Variants in INTS7 observed in about 807,000 individuals in gnomAD.
INTS7 encodes the protein integrator complex subunit 7.
A neutral mutation model predicts 109.2 loss-of-function variants in INTS7; 46 were observed. The observed-to-expected ratio is 0.42, with a 90% CI of 0.33 to 0.54. The LOEUF is 0.54. INTS7 is among the 20% of genes least tolerant of loss of function. INTS7 has a pLI of 0.07. For missense variants in INTS7, 929 were observed against 1,132.4 expected, an observed-to-expected ratio of 0.82 and a Z score of 2.58; for synonymous variants, 412 against 402.9, an observed-to-expected ratio of 1.02 and a Z score of -0.27.
chr1:211,988,182 G>A lies in INTS7; in HGVS notation c.880-179C>T, dbSNP rs573296207. On this transcript the variant is annotated intron_variant, in intron 7 of 19. Transcript: ENST00000366994. ...TCATTCTGGTAATCCCACCAGTTTGGGAGGCTGAGGTGGGAGGATCACTCT... is the reference window on the plus strand; with the variant it reads ...TCATTCTGGTAATCCCACCAGTTTGAGAGGCTGAGGTGGGAGGATCACTCT... 9.2e-5 allele frequency among the ~76,000 whole-genome samples: 14 copies of A among 152,072 alleles called. No individual in the cohort carries two copies. The East Asian group carries it at 2.7e-3, about 29-fold the overall frequency.
chr1:212,035,221 G>A, intron 1 of INTS7, 123 bp downstream of exon 1: 1 of 701,170 alleles, frequency 1.4e-6, no homozygotes, highest in Non-Finnish European at 2.5e-6. Flanking sequence ...AAAAGCACAG[G>A]CGCTCCCCGC....
At chr1:211,972,293 C>A (rs185274901) in intron 13 of INTS7, among the ~76,000 whole-genome samples, 4 of 151,890 alleles carry the variant, frequency 2.6e-5, no homozygotes, top group African/African-American at 9.7e-5. Context: ...GTAGGAAGAA[C>A]GCTAAGCTGG....
chr1:212,008,901 C>T (rs1666049786), intron 5 of INTS7, among the ~76,000 whole-genome samples: 1 of 152,282 alleles, frequency 6.6e-6, no homozygotes, highest in South Asian at 2.1e-4. Context: ...GATCCATTTC[C>T]ACTACCATCT....
At chr1:211,971,061 G>A (rs1664144341) in intron 13 of INTS7, among the ~76,000 whole-genome samples, 2 of 152,164 alleles carry the variant, frequency 1.3e-5, no homozygotes. Context: ...TGGAGCAGGG[G>A]GAAGATACAC....
intron 18 of INTS7, among the ~76,000 whole-genome samples, chr1:211,945,262 A>G (rs1662801022): frequency 6.6e-6 from 1 of 152,228 alleles, no homozygotes; most frequent in South Asian, 2.1e-4. Context: ...TTCTTTGACA[A>G]TGAACCACTT....
intron 7 of INTS7, among the ~76,000 whole-genome samples, chr1:211,996,210 T>C (rs947254437): frequency 6.6e-6 from 1 of 152,030 alleles, no homozygotes; most frequent in African/African-American, 2.4e-5. Context: ...TCACTTGAGA[T>C]TGGGAGTTCA....
chr1:211,998,418 T>C (rs1000510331), intron 7 of INTS7, among the ~76,000 whole-genome samples: 12 of 152,222 alleles, frequency 7.9e-5, no homozygotes, highest in African/African-American at 2.9e-4. Flanking sequence ...CATACAGATA[T>C]TGTCAACTGA....
rs570311377 is a variant in INTS7 at position 212,019,352 on chromosome 1, A to G, written c.371+770T>C. 2.0e-5 allele frequency among the ~76,000 whole-genome samples: 3 copies of G among 152,314 alleles called. No individual in the cohort carries two copies. In the South Asian group the frequency reaches 6.2e-4, roughly 32 times the overall value. The stretch of plus-strand genomic sequence containing the variant: ...AATATCACATATTACTCACAATTTA[A>G]TCACTCAAAAGGCAAAGAAATGACA... On this transcript the variant is annotated intron_variant, in intron 3 of 19. Coordinates refer to ENST00000366994, the MANE Select transcript of INTS7 (RefSeq NM_015434.4).
At position 211,942,021 on chromosome 1, in the gene INTS7, T is replaced by C. The variant is rs1189841066; in HGVS notation, c.2692A>G (p.Ile898Val). Residue 898 changes from isoleucine (I) to valine (V), a missense_variant, in exon 20 of 20, where the codon ATC (isoleucine) becomes GTC (valine). Physicochemically the swap from Ile to Val is conservative, Grantham distance 29. Around this residue, in one of 2 missense-constraint regions of INTS7, gnomAD observed 787 missense variants for 901.1 expected, o/e 0.87. Transcript: ENST00000366994. The surrounding 1 kb of genome is among the most constrained non-coding windows in gnomAD (Gnocchi z 4.2). ...ACTGTAATGTTGTGTGTTCCAAGGA[T>C]AGCAAAGTTCAACAGAAATTGAGTA... ...FSTQFLLNFA[I>V]LGTHNITVES... 3.7e-6 allele frequency: 6 copies of C among 1,614,078 alleles called. No homozygotes were observed. Among genetic ancestry groups the C allele is most frequent in the East Asian group, 2.2e-5 (1 of 44,898 alleles).
intron 10 of INTS7, 23 bp from the exon 11 acceptor site, chr1:211,978,534 A>C (rs781534481): frequency 6.2e-7 from 1 of 1,613,192 alleles, no homozygotes; most frequent in African/African-American, 1.3e-5. Context: ...AAGAAAATGA[A>C]CTAGTTACAT....
chr1:211,996,143 C>T (rs140456652), intron 7 of INTS7, among the ~76,000 whole-genome samples: 179 of 152,232 alleles, frequency 1.2e-3, no homozygotes, highest in African/African-American at 4.3e-3. Context: ...GTCTTCTGGC[C>T]GGATGCGGTG....
chr1:212,023,895 T>C (rs1190437035), intron 1 of INTS7, among the ~76,000 whole-genome samples: 1 of 152,228 alleles, frequency 6.6e-6, no homozygotes, highest in Non-Finnish European at 1.5e-5. Context: ...TTGTATATGG[T>C]GAAAGGTAGG....
At chr1:211,978,720 C>T (rs1484243934) in intron 10 of INTS7, among the ~76,000 whole-genome samples, 5 of 152,066 alleles carry the variant, frequency 3.3e-5, no homozygotes, top group African/African-American at 4.8e-5. Context: ...TAGGACTGCA[C>T]GTCAACCACT....
At chr1:211,992,772 C>T (rs1204532728) in intron 7 of INTS7, among the ~76,000 whole-genome samples, 1 of 152,072 alleles carries the variant, frequency 6.6e-6, no homozygotes, top group Non-Finnish European at 1.5e-5. Flanking sequence ...ATGAAGTTCC[C>T]CAGAAATGAT....
At position 211,941,535 on chromosome 1, in the gene INTS7, T is replaced by C; in HGVS notation, c.*289A>G. 3.4e-6 allele frequency: 1 copy of C among 296,782 alleles called. No homozygotes were observed. 18.4% of individuals were successfully genotyped at this position (296,782 alleles called of 1,614,324 possible). A position where few individuals can be genotyped will look rare whatever the true frequency, so the allele number is the denominator to read the frequency against. Reference sequence around the variant, plus strand: ...ACCATGCTTGGCTAATTTTTTTGTATTTTTTAGTGGAGACGGGGTTTCACT... The same window carrying C: ...ACCATGCTTGGCTAATTTTTTTGTACTTTTTAGTGGAGACGGGGTTTCACT... On this transcript the variant is annotated 3_prime_UTR_variant, in exon 20 of 20. Transcript: ENST00000366994.
At position 211,967,944 on chromosome 1, in the gene INTS7, G is replaced by C; in HGVS notation, c.2048C>G (p.Ser683Cys). The C allele has an allele frequency of 1.9e-6, 3 of 1,607,406 alleles. No individual in the cohort carries two copies. Among genetic ancestry groups the C allele is most frequent in the Non-Finnish European group, 2.5e-6 (3 of 1,176,900 alleles). ...QSMEEFRSLA[S>C]RYGDLYQASF... The stretch of plus-strand genomic sequence containing the variant: ...TGCCTGGTAAAGATCTCCATATCGA[G>C]AAGCAAGGCTTCGAAATTCTTCCAT... The change falls in exon 15 of 20, where the codon TCT (serine) becomes TGT (cysteine). Residue 683 changes from serine to cysteine, a missense_variant. Ser to Cys is a moderately radical substitution (Grantham distance 112). Transcript: ENST00000366994.
chr1:211,978,229 C>G, intron 11 of INTS7, 43 bp downstream of exon 11: 1 of 1,607,910 alleles, frequency 6.2e-7, no homozygotes, highest in Non-Finnish European at 8.5e-7. Context: ...CCCACTAGAC[C>G]AGATCCTAGT....
At chr1:211,983,855 G>T (rs905852521) in intron 8 of INTS7, among the ~76,000 whole-genome samples, 97 of 148,648 alleles carry the variant, frequency 6.5e-4, no homozygotes, top group African/African-American at 1.8e-3. Context: ...GTTTTGTTTT[G>T]TTTTTTTTTT....
At chr1:212,012,662 T>C (rs1336324837) in intron 4 of INTS7, among the ~76,000 whole-genome samples, 2 of 152,206 alleles carry the variant, frequency 1.3e-5, no homozygotes, top group Non-Finnish European at 1.5e-5. Context: ...GCATGGTATA[T>C]TAAAAACTGT....
Sources: gnomAD v4.1 joint callset for allele counts (sites outside exome capture counted in the v4.1 genomes callset) on GRCh38, gnomAD v4.1.1 for gene constraint, gnomAD v4.1.1 regional missense constraint, Gnocchi (gnomAD v3.1) non-coding constraint, MANE v1.5 for transcripts, NCBI Gene and HGNC (gene_info 2026-07-23, HGNC 2026-07-21) for gene names.